CAD: variants seen among roughly 807,000 people sequenced by gnomAD.
CAD encodes carbamoyl-phosphate synthetase 2, aspartate transcarbamylase, and dihydroorotase, also known as multifunctional protein CAD.
Under a neutral mutation model 237.2 loss-of-function variants are expected in CAD, and 81 were observed. The observed-to-expected ratio is 0.34, with a 90% CI of 0.29 to 0.41. The LOEUF (loss-of-function observed/expected upper bound fraction) is 0.41, where lower values mean the gene tolerates loss of function less well. Ranked by LOEUF, CAD falls within the 10% of genes least tolerant of loss-of-function variation. The pLI is 1.00. For synonymous variants in CAD, 1,196 were observed against 1,162.8 expected (o/e 1.03, Z -0.58); for missense variants, 2,181 against 2,951.7 (o/e 0.74, Z 6.05).
chr2:27,232,825 C>T lies in CAD; in HGVS notation c.2892+131C>T, dbSNP rs1675824340. 1 of 1,120,760 alleles carries T rather than the reference C, an allele frequency of 8.9e-7. No individual in the cohort carries two copies. Among genetic ancestry groups the T allele is most frequent in the Non-Finnish European group, 1.3e-6 (1 of 763,680 alleles). 69.4% of individuals were successfully genotyped at this position (1,120,760 alleles called of 1,614,324 possible). A position where few individuals can be genotyped will look rare whatever the true frequency, so the allele number is the denominator to read the frequency against. On this transcript the variant is annotated intron_variant, in intron 18 of 43. Transcript: ENST00000264705. The surrounding 1 kb of genome is among the most constrained non-coding windows in gnomAD (Gnocchi z 4.1). ...GGTCATAGAGCTTTGGGGTGGGGGTCCTTTTAGGCCATCTCTCATGCCCCA... is the reference window on the plus strand; with the variant it reads ...GGTCATAGAGCTTTGGGGTGGGGGTTCTTTTAGGCCATCTCTCATGCCCCA...
At chr2:27,222,801 G>C (rs78264879) in intron 5 of CAD, 65 bp from the exon 6 acceptor site, 7 of 1,582,782 alleles carry the variant, frequency 4.4e-6, no homozygotes, top group East Asian at 2.2e-5. Flanking sequence ...GGGCTGGGGG[G>C]GCTGCAGGTG....
Position 27,217,531 on chromosome 2 carries a change from C to G in CAD, c.-21C>G. 6.3e-7 allele frequency: 1 copy of G among 1,591,320 alleles called. No individual in the cohort carries two copies. The highest frequency in any genetic ancestry group is 8.6e-7 in the Non-Finnish European group (1 of 1,167,766). On this transcript the variant is annotated 5_prime_UTR_variant, in exon 1 of 44. Coordinates refer to ENST00000264705, the MANE Select transcript of CAD (RefSeq NM_004341.5). ...CCTTCCCGCTTCTCCGTACTCGCCC[C>G]CGCCTCTGAGCTCCCTTCCCATGGC...
At position 27,232,361 on chromosome 2, in the gene CAD, C is replaced by T; in HGVS notation, c.2646-87C>T. On this transcript the variant is annotated intron_variant, in intron 17 of 43. Transcript: ENST00000264705. The surrounding 1 kb of genome is among the most constrained non-coding windows in gnomAD (Gnocchi z 4.1). Reference sequence around the variant, plus strand: ...CTGACCTTGGTTCCAAGGATATTTCCTCTCATCTGTGCCCTGGGGTCTCAA... The same window carrying T: ...CTGACCTTGGTTCCAAGGATATTTCTTCTCATCTGTGCCCTGGGGTCTCAA... 7 of 1,583,104 alleles carry T rather than the reference C, an allele frequency of 4.4e-6. No individual in the cohort carries two copies. The highest frequency in any genetic ancestry group is 2.3e-5 in the South Asian group (2 of 85,922).
Position 27,238,084 on chromosome 2 carries a change from C to T in CAD, c.4757C>T (p.Pro1586Leu). 1 of 1,614,214 alleles carries T rather than the reference C, an allele frequency of 6.2e-7. No individual in the cohort carries two copies. The highest frequency in any genetic ancestry group is 2.2e-5 in the East Asian group (1 of 44,878). The part of the protein sequence containing the change: ...EHFETWPSHL[P>L]IVAHAEQQTV... Reference sequence around the variant, plus strand: ...TTCGAGACATGGCCCTCCCACCTCCCCATTGTGGCTCACGCAGAGCAGCAA... The same window carrying T: ...TTCGAGACATGGCCCTCCCACCTCCTCATTGTGGCTCACGCAGAGCAGCAA... The change falls in exon 30 of 44, where the codon CCC becomes CTC. Residue 1586 changes from proline (P) to leucine (L), a missense_variant. This residue lies in a region of CAD where 478 missense variants were observed against 515.0 expected (regional missense o/e 0.93). Coordinates refer to ENST00000264705, the MANE Select transcript of CAD (RefSeq NM_004341.5).
intron 16 of CAD, 35 bp downstream of exon 16, chr2:27,231,615 A>G: frequency 7.8e-7 from 1 of 1,284,226 alleles, no homozygotes; most frequent in Non-Finnish European, 1.1e-6. Context: ...ATACCCCTAA[A>G]ATAGACCCTG....
intron 31 of CAD, 110 bp from the exon 32 acceptor site, chr2:27,238,932 G>A: frequency 9.5e-7 from 1 of 1,049,008 alleles, no homozygotes; most frequent in East Asian, 2.4e-5. Context: ...ATGAGCATTG[G>A]GAGTGGTAGT....
rs1209450948 is a variant in CAD, at chr2:27,231,525, T to C, written c.2345T>C (p.Met782Thr). The C allele has an allele frequency of 1.2e-6, 2 of 1,613,834 alleles. No homozygotes were observed. Among genetic ancestry groups the C allele is most frequent in the Non-Finnish European group, 1.7e-6 (2 of 1,179,850 alleles). ...GAGGCCTTCCAGAAGGCCCTGCGCA[T>C]GGTGGATGAGAACTGTGTGGGCTTT... ...FEEAFQKALR[M>T]VDENCVGFDH... The change falls in exon 16 of 44, where the codon ATG (methionine) becomes ACG (threonine). Residue 782 changes from methionine to threonine, a missense_variant. Physicochemically the swap from Met to Thr is moderately conservative, Grantham distance 81 (BLOSUM62 -1). Transcript: ENST00000264705.
Position 27,236,897 on chromosome 2 carries a change from G to GTGAA in CAD, c.4396+68_4396+71dup. On this transcript the variant is annotated intron_variant, in intron 27 of 43. Transcript: ENST00000264705. This position sits in a 1 kb window ranked among gnomAD's most constrained non-coding sequence, Gnocchi z 4.1. ...CCCTGGCATAGAGACCTGCAGTGTG[G>GTGAA]TGAAGGATGGCTGGGGGGCCCACTC... is the stretch of plus-strand genomic sequence containing the variant. The GTGAA allele has an allele frequency of 7.6e-7, 1 of 1,316,020 alleles. No homozygotes were observed. Among genetic ancestry groups the GTGAA allele is most frequent in the Non-Finnish European group, 1.1e-6 (1 of 907,886 alleles). 81.5% of individuals were successfully genotyped at this position (1,316,020 alleles called of 1,614,324 possible). A position where few individuals can be genotyped will look rare whatever the true frequency, so the allele number is the denominator to read the frequency against.
intron 4 of CAD, 84 bp downstream of exon 4, chr2:27,222,420 GAATC>G (rs1400935351): frequency 1.6e-5 from 25 of 1,578,454 alleles, no homozygotes; most frequent in Non-Finnish European, 2.2e-5. Flanking sequence ...ACACAGGAGA[GAATC>G]AAAGGAGGCT....
rs1676037833 is a variant in CAD, at chr2:27,236,892, G to A, written c.4396+62G>A. ...GCAGCCCCTGGCATAGAGACCTGCA[G>A]TGTGGTGAAGGATGGCTGGGGGGCC... On this transcript the variant is annotated intron_variant, in intron 27 of 43. Transcript: ENST00000264705. This position sits in a 1 kb window ranked among gnomAD's most constrained non-coding sequence, Gnocchi z 4.1. The A allele has an allele frequency of 2.2e-6, 3 of 1,376,402 alleles. No individual in the cohort carries two copies. Among genetic ancestry groups the A allele is most frequent in the African/African-American group, 2.9e-5 (2 of 70,142 alleles). 85.3% of individuals were successfully genotyped at this position (1,376,402 alleles called of 1,614,324 possible).
Position 27,240,147 on chromosome 2 carries a change from A to C in CAD, c.5497-118A>C. On this transcript the variant is annotated intron_variant, in intron 34 of 43. Transcript: ENST00000264705. The surrounding 1 kb of genome is among the most constrained non-coding windows in gnomAD (Gnocchi z 4.6). ...TCCCAGCTACTTGGGAGGCTGAGGC[A>C]GGAGAATTGCTTGAACCCAGAAGGT... The C allele has an allele frequency of 1.3e-6, 1 of 795,954 alleles. No individual in the cohort carries two copies. The highest frequency in any genetic ancestry group is 2.1e-6 in the Non-Finnish European group (1 of 481,346). 49.3% of individuals were successfully genotyped at this position (795,954 alleles called of 1,614,324 possible). A position where few individuals can be genotyped will look rare whatever the true frequency, so the allele number is the denominator to read the frequency against.
chr2:27,232,893 C>T lies in CAD; in HGVS notation c.2893-149C>T. 1 of 779,648 alleles carries T rather than the reference C, an allele frequency of 1.3e-6. No homozygotes were observed. The highest frequency in any genetic ancestry group is 2.1e-6 in the Non-Finnish European group (1 of 468,454). The allele number at this position is 779,648 out of a possible 1,614,324, so 48.3% of individuals were successfully genotyped here. On this transcript the variant is annotated intron_variant, in intron 18 of 43. Coordinates refer to ENST00000264705, the MANE Select transcript of CAD (RefSeq NM_004341.5). This position sits in a 1 kb window ranked among gnomAD's most constrained non-coding sequence, Gnocchi z 4.1. ...TTCCCCAACACTTTGTACCTCCTTC[C>T]CTCCCAAGGCAGGGGTCCTGTACAG...
Position 27,235,876 on chromosome 2 carries a change from A to AG in CAD, c.4074+236_4074+237insG. Reference sequence around the variant, plus strand: ...GGGAAACAGTGAGATGCTGTCTCAAAAAAAAAAAAAACAAAGAATTATCTC... The same window carrying AG: ...GGGAAACAGTGAGATGCTGTCTCAAAGAAAAAAAAAAACAAAGAATTATCTC... On this transcript the variant is annotated intron_variant, in intron 25 of 43. Coordinates refer to ENST00000264705, the MANE Select transcript of CAD (RefSeq NM_004341.5). The surrounding 1 kb of genome is among the most constrained non-coding windows in gnomAD (Gnocchi z 5.2). 1 of 470,122 alleles carries AG rather than the reference A, an allele frequency of 2.1e-6. No homozygotes were observed. Among genetic ancestry groups the AG allele is most frequent in the Non-Finnish European group, 3.8e-6 (1 of 264,784 alleles). The allele number at this position is 470,122 out of a possible 1,614,324, so 29.1% of individuals were successfully genotyped here. A position where few individuals can be genotyped will look rare whatever the true frequency, so the allele number is the denominator to read the frequency against.
At position 27,241,832 on chromosome 2, in the gene CAD, G is replaced by T. The variant is rs1320765942; in HGVS notation, c.5884-79G>T. On this transcript the variant is annotated intron_variant, in intron 38 of 43. Transcript: ENST00000264705. The surrounding 1 kb of genome is among the most constrained non-coding windows in gnomAD (Gnocchi z 4.6). ...TCCTCACAGCACCCCTCAAGTGTCA[G>T]TTGGGGTGGTGGTGCCTAGCTGGGG... The T allele has an allele frequency of 1.3e-5, 15 of 1,163,210 alleles. No homozygotes were observed. Among genetic ancestry groups the T allele is most frequent in the Admixed American group, 7.3e-5 (4 of 54,752 alleles). The allele number at this position is 1,163,210 out of a possible 1,614,324, so 72.1% of individuals were successfully genotyped here. A position where few individuals can be genotyped will look rare whatever the true frequency, so the allele number is the denominator to read the frequency against.
At position 27,223,645 on chromosome 2, in the gene CAD, G is replaced by A; in HGVS notation, c.892G>A (p.Ala298Thr). The change falls in exon 7 of 44, where the codon GCT becomes ACT. Residue 298 changes from alanine (A) to threonine (T), a missense_variant. This residue lies in a region of CAD where 129 missense variants were observed against 143.3 expected (regional missense o/e 0.90). Transcript: ENST00000264705. ...TCTGACATCCCAGAACCATGGGTTT[G>A]CTGTGGAGACAGACTCACTGCCAGC... ...CFLTSQNHGF[A>T]VETDSLPADW... The A allele has an allele frequency of 6.2e-7, 1 of 1,614,162 alleles. No individual in the cohort carries two copies. The highest frequency in any genetic ancestry group is 8.5e-7 in the Non-Finnish European group (1 of 1,180,042).
chr2:27,224,576 A>C (rs1437430413), intron 9 of CAD, 86 bp downstream of exon 9: 12 of 1,564,788 alleles, frequency 7.7e-6, no homozygotes, highest in Non-Finnish European at 1.0e-5. Context: ...GGTTGCAGGG[A>C]GGAAATGAAC....
chr2:27,237,844 T>C lies in CAD; in HGVS notation c.4690T>C (p.Ser1564Pro). The change falls in exon 29 of 44, where the codon TCT (serine) becomes CCT (proline). Residue 1564 changes from serine (S) to proline (P), a missense_variant. Ser to Pro is a moderately conservative substitution (Grantham distance 74). Coordinates refer to ENST00000264705, the MANE Select transcript of CAD (RefSeq NM_004341.5). The surrounding 1 kb of genome is among the most constrained non-coding windows in gnomAD (Gnocchi z 4.0). ...GLKLYLNETF[S>P]ELRLDSVVQW... ...GAAGCTTTACCTCAATGAGACCTTC[T>C]CTGAGCTGCGGCTGGACAGCGTGGT... The C allele has an allele frequency of 6.2e-7, 1 of 1,613,922 alleles. No homozygotes were observed. Among genetic ancestry groups the C allele is most frequent in the Non-Finnish European group, 8.5e-7 (1 of 1,179,914 alleles).
At chr2:27,228,813 C>T (rs560561209) in intron 15 of CAD, among the ~76,000 whole-genome samples, 5 of 152,154 alleles carry the variant, frequency 3.3e-5, no homozygotes, top group Admixed American at 1.3e-4. Context: ...TGGTCTTGAA[C>T]GCCCGTGCTC....
At chr2:27,218,366 G>A (rs1260293628) in intron 2 of CAD, among the ~76,000 whole-genome samples, 1 of 152,190 alleles carries the variant, frequency 6.6e-6, no homozygotes, top group Non-Finnish European at 1.5e-5. Context: ...CAGAAGTCAG[G>A]AGAAAAAAGC....
Sources: gnomAD v4.1 joint callset for allele counts (sites outside exome capture counted in the v4.1 genomes callset) on GRCh38, gnomAD v4.1.1 for gene constraint, gnomAD v4.1.1 regional missense constraint, Gnocchi (gnomAD v3.1) non-coding constraint, MANE v1.5 for transcripts, NCBI Gene and HGNC (gene_info 2026-07-23, HGNC 2026-07-21) for gene names.